Variants in LRSAM1 observed in about 807,000 individuals in gnomAD.
The protein encoded by LRSAM1 is E3 ubiquitin-protein ligase LRSAM1.
LRSAM1 carries 96 observed loss-of-function variants against 118.1 expected under a neutral mutation model. The observed-to-expected ratio is 0.81, with a 90% confidence interval of 0.69 to 0.96. LRSAM1 has a LOEUF of 0.96. LRSAM1 is among the 40% of genes least tolerant of loss of function. The probability of loss-of-function intolerance (pLI) is 0.00; values close to 1 mark genes in which losing one functional copy is unlikely to be tolerated. For missense variants in LRSAM1, 804 were observed against 915.5 expected (o/e 0.88, Z 1.57); for synonymous variants, 322 against 364.2 (o/e 0.88, Z 1.32).
chr9:127,497,393 G>C, intron 24 of LRSAM1, 59 bp downstream of exon 24: 1 of 1,510,102 alleles, frequency 6.6e-7, no homozygotes. Flanking sequence ...GTGGGCTCTG[G>C]TGGGGACAGT....
chr9:127,452,787 T>A (rs1459886097), intron 2 of LRSAM1, among the ~76,000 whole-genome samples: 1 of 152,208 alleles, frequency 6.6e-6, no homozygotes, highest in Non-Finnish European at 1.5e-5. Flanking sequence ...TCTCTTTTCA[T>A]CCCAAAGCCT....
chr9:127,459,005 T>A lies in LRSAM1; in HGVS notation c.255T>A (p.Val85=). 1.2e-6 allele frequency: 2 copies of A among 1,613,666 alleles called. No homozygotes were observed. Among genetic ancestry groups the A allele is most frequent in the Non-Finnish European group, 1.7e-6 (2 of 1,179,972 alleles). Residue 85 remains valine (V), a splice_region_variant and synonymous_variant, in exon 7 of 26, where the codon GTT becomes GTA. Coordinates refer to ENST00000300417, the MANE Select transcript of LRSAM1 (RefSeq NM_001005373.4). The part of the protein sequence containing the change: ...CSLLSLATIK[V]LDLHDNQLTA... ...TCACAGGGGTCTTTCTTCTGCAGGT[T>A]CTAGATCTCCACGATAATCAGCTGA...
At chr9:127,490,394 G>A (rs1398223583) in intron 19 of LRSAM1, among the ~76,000 whole-genome samples, 2 of 151,994 alleles carry the variant, frequency 1.3e-5, no homozygotes, top group East Asian at 1.9e-4. Flanking sequence ...AGGGATGAGG[G>A]TCACAGGGTC....
Position 127,462,283 on chromosome 9 carries a change from G to C in LRSAM1, c.438G>C (p.Val146=), listed in dbSNP as rs770348926. 4 of 1,614,072 alleles carry C rather than the reference G, an allele frequency of 2.5e-6. No individual in the cohort carries two copies. The highest frequency in any genetic ancestry group is 2.2e-5 in the South Asian group (2 of 91,072). ...DNKLKELPDT[V]GELRSLRTLN... ...AGCTGAAGGAGCTTCCAGACACCGT[G>C]GGGGAGCTTCGAAGCCTGCGTACCC... Residue 146 remains valine, a synonymous_variant, in exon 9 of 26, where the codon GTG becomes GTC. Coordinates refer to ENST00000300417, the MANE Select transcript of LRSAM1 (RefSeq NM_001005373.4).
chr9:127,481,058 G>A, intron 14 of LRSAM1, 125 bp from the exon 15 acceptor site: 1 of 936,380 alleles, frequency 1.1e-6, no homozygotes, highest in Non-Finnish European at 1.7e-6. Flanking sequence ...AGAACCCAGA[G>A]CTTCAAGGTG....
intron 5 of LRSAM1, among the ~76,000 whole-genome samples, chr9:127,455,946 ATAGC>A (rs759449818): frequency 2.6e-5 from 4 of 152,190 alleles, no homozygotes; most frequent in Non-Finnish European, 4.4e-5. Flanking sequence ...TGAGTGGTAG[ATAGC>A]TAGATAGAGA....
intron 19 of LRSAM1, among the ~76,000 whole-genome samples, chr9:127,490,129 G>A (rs1365741462): frequency 5.3e-5 from 8 of 152,304 alleles, no homozygotes; most frequent in South Asian, 2.1e-4. Flanking sequence ...GGTGGTCACC[G>A]CCTGTGGAGT....
intron 23 of LRSAM1, 66 bp from the exon 24 acceptor site, chr9:127,497,187 C>G: frequency 6.5e-7 from 1 of 1,532,838 alleles, no homozygotes; most frequent in Non-Finnish European, 9.0e-7. Flanking sequence ...GCCTGTGCCA[C>G]GTGGCTCACA....
intron 16 of LRSAM1, 92 bp from the exon 17 acceptor site, chr9:127,485,644 C>G (rs1312442488): frequency 8.4e-7 from 1 of 1,193,158 alleles, no homozygotes; most frequent in East Asian, 2.3e-5. Flanking sequence ...AGGCCTGTTC[C>G]TCAGTTCCTG....
At chr9:127,501,171 T>C (rs1383422248) in intron 25 of LRSAM1, 28 bp downstream of exon 25, 1 of 1,608,784 alleles carries the variant, frequency 6.2e-7, no homozygotes, top group Non-Finnish European at 8.5e-7. Context: ...CCCACCCGCC[T>C]GCCCTGCCTG....
chr9:127,472,731 G>A (rs1395636901), intron 10 of LRSAM1, among the ~76,000 whole-genome samples: 1 of 151,920 alleles, frequency 6.6e-6, no homozygotes, highest in African/African-American at 2.4e-5. Context: ...TGCTTTTTTT[G>A]TCTCTCAAGA....
intron 15 of LRSAM1, among the ~76,000 whole-genome samples, chr9:127,482,368 C>T (rs1405504556): frequency 2.6e-5 from 4 of 152,098 alleles, no homozygotes; most frequent in African/African-American, 9.7e-5. Flanking sequence ...GTCTCAAACT[C>T]CTGACCTCAA....
intron 11 of LRSAM1, among the ~76,000 whole-genome samples, chr9:127,478,169 T>G (rs994729051): frequency 2.6e-5 from 4 of 152,202 alleles, no homozygotes; most frequent in African/African-American, 4.8e-5. Flanking sequence ...TTATTGATGT[T>G]TAATACCTGC....
At chr9:127,487,796 C>T (rs1835787309) in intron 18 of LRSAM1, 33 bp downstream of exon 18, 1 of 1,595,338 alleles carries the variant, frequency 6.3e-7, no homozygotes, top group Admixed American at 1.7e-5. Context: ...AGGGTGGGAG[C>T]TCAGGAGGGA....
intron 25 of LRSAM1, 31 bp from the exon 26 acceptor site, chr9:127,502,743 C>A: frequency 1.2e-6 from 2 of 1,610,580 alleles, no homozygotes; most frequent in Middle Eastern, 3.8e-4. Flanking sequence ...CCCGGTAGGG[C>A]CAGCCACATG....
At chr9:127,484,263 C>CTTTTTTTTTTTTTTTTTTTCTT (rs35834839) in intron 16 of LRSAM1, among the ~76,000 whole-genome samples, 4 of 133,686 alleles carry the variant, frequency 3.0e-5, no homozygotes, top group Non-Finnish European at 3.1e-5. Context: ...ATTTCTTTCC[C>CTTTTTTTTTTTTTTTTTTTCTT]TTTTTTTTTT....
At position 127,479,828 on chromosome 9, in the gene LRSAM1, TCCGG is replaced by T. The variant is rs1835468383; in HGVS notation, c.904-9_904-6del. 3 of 1,611,596 alleles carry T rather than the reference TCCGG, an allele frequency of 1.9e-6. No individual in the cohort carries two copies. Among genetic ancestry groups the T allele is most frequent in the African/African-American group, 1.3e-5 (1 of 74,830 alleles). On this transcript the variant is annotated splice_polypyrimidine_tract_variant and splice_region_variant and intron_variant, in intron 13 of 25. Coordinates refer to ENST00000300417, the MANE Select transcript of LRSAM1 (RefSeq NM_001005373.4). The stretch of plus-strand genomic sequence containing the variant: ...GTCCCAGGGGCTCAGGACCCCTACC[TCCGG>T]CTGCAGGAGCAGTCCCGGCTGGAGC...
intron 17 of LRSAM1, chr9:127,487,443 G>A: frequency 6.3e-6 from 3 of 477,624 alleles, no homozygotes; most frequent in Non-Finnish European, 1.2e-5. Flanking sequence ...TTGGGTGAGA[G>A]GACCTGGAAG....
chr9:127,494,797 T>G (rs1435882236), intron 21 of LRSAM1, among the ~76,000 whole-genome samples: 1 of 151,980 alleles, frequency 6.6e-6, no homozygotes, highest in Non-Finnish European at 1.5e-5. Flanking sequence ...ATATAAAAAT[T>G]AGCCGGGCAT....
Sources: gnomAD v4.1 joint callset for allele counts (sites outside exome capture counted in the v4.1 genomes callset) on GRCh38, gnomAD v4.1.1 for gene constraint, MANE v1.5 for transcripts, NCBI Gene and HGNC (gene_info 2026-07-23, HGNC 2026-07-21) for gene names.